The following CCDC93 variants were observed in gnomAD, a reference collection of about 807,000 sequenced individuals.
CCDC93 encodes the protein CCC complex scaffolding subunit CCDC93, also known as coiled-coil domain-containing protein 93.
In CCDC93, 61 loss-of-function variants were observed where a neutral mutation model predicts 108.2. The observed-to-expected ratio is 0.56, with a 90% CI of 0.46 to 0.70. CCDC93 has a LOEUF of 0.70. CCDC93 is among the 30% of genes least tolerant of loss of function. The pLI, the probability that CCDC93 is intolerant of heterozygous loss-of-function variation, is 0.00. For missense variants in CCDC93, 685 were observed against 764.2 expected (o/e 0.90, Z 1.22); for synonymous variants, 276 against 260.4 (o/e 1.06, Z -0.58).
chr2:117,973,308 A>G (rs1369846364), intron 11 of CCDC93, among the ~76,000 whole-genome samples: 1 of 151,640 alleles, frequency 6.6e-6, no homozygotes, highest in African/African-American at 2.4e-5. Context: ...TGTAAATCTG[A>G]TTTTACTGAT....
At chr2:117,950,443 A>G in intron 13 of CCDC93, 1 of 985,424 alleles carries the variant, frequency 1.0e-6, no homozygotes, top group Non-Finnish European at 1.2e-6. Context: ...GCCTTTCTGA[A>G]GCAGTCATGC....
chr2:117,987,034 TAAA>T (rs34625797), intron 6 of CCDC93, among the ~76,000 whole-genome samples: 100 of 127,678 alleles, frequency 7.8e-4, no homozygotes, highest in African/African-American at 1.9e-3. Flanking sequence ...ATTCTTCTAT[TAAA>T]AAAAAAAAAA....
intron 16 of CCDC93, 101 bp from the exon 17 acceptor site, chr2:117,945,683 G>T: frequency 1.0e-6 from 1 of 952,892 alleles, no homozygotes; most frequent in Non-Finnish European, 1.7e-6. Context: ...GGGGCATAAG[G>T]GTGCAGCTGA....
At chr2:117,950,907 C>A in intron 13 of CCDC93, 2 of 985,340 alleles carry the variant, frequency 2.0e-6, no homozygotes, top group Non-Finnish European at 2.4e-6. Flanking sequence ...TTCCCATCTG[C>A]AAAAAGGAAC....
chr2:118,002,353 A>C (rs1676726840), intron 3 of CCDC93, among the ~76,000 whole-genome samples: 1 of 152,174 alleles, frequency 6.6e-6, no homozygotes, highest in African/African-American at 2.4e-5. Flanking sequence ...TCTATGATTC[A>C]CTTAGTAGGT....
At chr2:117,982,820 A>G (rs1680191253) in intron 7 of CCDC93, among the ~76,000 whole-genome samples, 4 of 152,162 alleles carry the variant, frequency 2.6e-5, no homozygotes, top group South Asian at 4.1e-4. Flanking sequence ...AAGATGGAGC[A>G]AAGTGAGTCC....
chr2:117,924,459 G>C (rs1212215200), intron 23 of CCDC93, among the ~76,000 whole-genome samples: 1 of 152,212 alleles, frequency 6.6e-6, no homozygotes, highest in Non-Finnish European at 1.5e-5. Context: ...TGAAAACCAT[G>C]GCATGAGAAC....
At chr2:117,924,071 G>C (rs564560975) in intron 23 of CCDC93, among the ~76,000 whole-genome samples, 44 of 152,338 alleles carry the variant, frequency 2.9e-4, no homozygotes, top group Non-Finnish European at 5.0e-4. Context: ...TGAGGGTCCT[G>C]TCTGTTAGAA....
At chr2:118,005,276 C>G (rs540917958) in intron 3 of CCDC93, among the ~76,000 whole-genome samples, 1 of 152,150 alleles carries the variant, frequency 6.6e-6, no homozygotes, top group South Asian at 2.1e-4. Context: ...CACTGGAAAA[C>G]TCAAGGGGAA....
chr2:118,008,413 T>C (rs1020440695), intron 2 of CCDC93, 132 bp downstream of exon 2: 3 of 627,528 alleles, frequency 4.8e-6, no homozygotes, highest in Non-Finnish European at 8.4e-6. Flanking sequence ...CCATAATGAA[T>C]CTGAATTAGG....
At chr2:117,975,909 G>C (rs915416897) in intron 8 of CCDC93, among the ~76,000 whole-genome samples, 1 of 152,134 alleles carries the variant, frequency 6.6e-6, no homozygotes, top group Non-Finnish European at 1.5e-5. Context: ...TCAGCCCCAG[G>C]CTCTAAATGA....
chr2:117,980,079 T>C (rs1485418063), intron 7 of CCDC93, among the ~76,000 whole-genome samples: 3 of 152,194 alleles, frequency 2.0e-5, no homozygotes, highest in African/African-American at 4.8e-5. Flanking sequence ...GTGGTTTCCT[T>C]CCTTGTCAAG....
chr2:118,007,832 C>T (rs1421667769), intron 2 of CCDC93, among the ~76,000 whole-genome samples: 2 of 152,202 alleles, frequency 1.3e-5, no homozygotes, highest in Non-Finnish European at 2.9e-5. Flanking sequence ...TAAAATAACC[C>T]AGAGTGATTC....
At position 117,976,808 on chromosome 2, in the gene CCDC93, G is replaced by A. The variant is rs191485340; in HGVS notation, c.657+1186C>T. On this transcript the variant is annotated intron_variant, in intron 8 of 23. Transcript: ENST00000376300. ...AGCGACTGAGACAACAGTCAACACA[G>A]GAAGCAGAGGGGGAGCCTGGGGAGT... 1.2e-4 allele frequency among the ~76,000 whole-genome samples: 18 copies of A among 152,234 alleles called. No homozygotes were observed. In the East Asian group the frequency reaches 1.5e-3, roughly 13 times the overall value.
chr2:117,944,508 G>A (rs867816953), intron 17 of CCDC93, among the ~76,000 whole-genome samples: 8 of 152,250 alleles, frequency 5.3e-5, no homozygotes, highest in African/African-American at 9.6e-5. Context: ...CAGACAGTGC[G>A]GAACAGAACA....
At chr2:117,993,457 C>T (rs920921715) in intron 6 of CCDC93, among the ~76,000 whole-genome samples, 7 of 129,802 alleles carry the variant, frequency 5.4e-5, no homozygotes, top group Non-Finnish European at 3.4e-5. Flanking sequence ...AAACAAAAAA[C>T]ACCTTAATGT....
In CCDC93 at chr2:117,919,298, C is replaced by T. The variant is rs1325324235; in HGVS notation, c.*1045G>A. ...AACATGCATGCCTTGTACTCCTCTG[C>T]ACTCTCTTGGGTTTTTAATCATAGT... is the stretch of plus-strand genomic sequence containing the variant. On this transcript the variant is annotated 3_prime_UTR_variant, in exon 24 of 24. Coordinates refer to ENST00000376300, the MANE Select transcript of CCDC93 (RefSeq NM_019044.5). 6.6e-6 allele frequency: 1 copy of T among 152,206 alleles called. No homozygotes were observed. Among genetic ancestry groups the T allele is most frequent in the Non-Finnish European group, 1.5e-5 (1 of 68,068 alleles). 9.4% of individuals were successfully genotyped at this position (152,206 alleles called of 1,614,324 possible).
intron 23 of CCDC93, among the ~76,000 whole-genome samples, chr2:117,929,242 C>T (rs978668616): frequency 6.6e-6 from 1 of 152,176 alleles, no homozygotes; most frequent in Non-Finnish European, 1.5e-5. Context: ...CACATGTACC[C>T]TAAAACTTAA....
chr2:117,919,699 A>C lies in CCDC93; in HGVS notation c.*644T>G, dbSNP rs938901129. The C allele has an allele frequency of 6.6e-6, 1 of 152,204 alleles. No individual in the cohort carries two copies. Among genetic ancestry groups the C allele is most frequent in the Non-Finnish European group, 1.5e-5 (1 of 68,038 alleles). The allele number at this position is 152,204 out of a possible 1,614,324, so 9.4% of individuals were successfully genotyped here. ...CGTATAAAAATTAAAACAACACTGA[A>C]CTTTCGTTCCAGTTGCTGTCACCAC... On this transcript the variant is annotated 3_prime_UTR_variant, in exon 24 of 24. Coordinates refer to ENST00000376300, the MANE Select transcript of CCDC93 (RefSeq NM_019044.5).
Sources: allele counts gnomAD v4.1 joint callset (sites outside exome capture counted in the v4.1 genomes callset), GRCh38; gene constraint gnomAD v4.1.1; transcripts MANE v1.5; gene names NCBI Gene and HGNC (gene_info 2026-07-23, HGNC 2026-07-21).